IL1RL1: variants seen among roughly 807,000 people sequenced by gnomAD.
The protein encoded by IL1RL1 is interleukin-1 receptor-like 1.
In IL1RL1, 32 loss-of-function variants were observed where a neutral mutation model predicts 50.9. The observed-to-expected ratio is 0.63, with a 90% confidence interval of 0.47 to 0.84. The LOEUF is 0.84. IL1RL1 is among the 40% of genes least tolerant of loss of function. IL1RL1 has a pLI of 0.00. For missense variants in IL1RL1, 773 were observed against 662.9 expected (o/e 1.17, Z -1.82); for synonymous variants, 275 against 236.0 (o/e 1.17, Z -1.51).
At chr2:102,329,857 G>A (rs922372209) in intron 1 of IL1RL1, among the ~76,000 whole-genome samples, 12 of 152,202 alleles carry the variant, frequency 7.9e-5, no homozygotes, top group Non-Finnish European at 1.0e-4. Context: ...TGGAGAGGAT[G>A]TGGAGAAATA....
chr2:102,313,857 G>A (rs938110903), intron 1 of IL1RL1, among the ~76,000 whole-genome samples: 17 of 152,194 alleles, frequency 1.1e-4, no homozygotes, highest in South Asian at 4.1e-4. Flanking sequence ...ACTTGCATGC[G>A]CGTGCATGTG....
chr2:102,341,000 C>T (rs1307703673), intron 5 of IL1RL1, among the ~76,000 whole-genome samples, 172 bp downstream of exon 5: 1 of 152,162 alleles, frequency 6.6e-6, no homozygotes, highest in Non-Finnish European at 1.5e-5. Context: ...TCTGAACACA[C>T]TATCAAGATT....
At chr2:102,328,977 G>T (rs895051293) in intron 1 of IL1RL1, among the ~76,000 whole-genome samples, 4 of 152,134 alleles carry the variant, frequency 2.6e-5, no homozygotes, top group Admixed American at 2.6e-4. Context: ...TCACAGAATT[G>T]GAAAAAACTA....
intron 1 of IL1RL1, among the ~76,000 whole-genome samples, chr2:102,322,162 T>C (rs1676855559): frequency 6.6e-6 from 1 of 152,204 alleles, no homozygotes; most frequent in Non-Finnish European, 1.5e-5. Flanking sequence ...CTGAATTCCA[T>C]AAGGCAGCCA....
intron 1 of IL1RL1, among the ~76,000 whole-genome samples, chr2:102,331,492 T>A (rs1389042469): frequency 6.6e-6 from 1 of 152,240 alleles, no homozygotes; most frequent in African/African-American, 2.4e-5. Flanking sequence ...GTTTTTCACA[T>A]GGCCACCAGC....
chr2:102,312,024 TA>T (rs1676526376), intron 1 of IL1RL1, among the ~76,000 whole-genome samples: 5 of 64,978 alleles, frequency 7.7e-5, no homozygotes, highest in Non-Finnish European at 1.1e-4. Flanking sequence ...ATATATAATA[TA>T]TATTATATAT....
intron 1 of IL1RL1, among the ~76,000 whole-genome samples, chr2:102,329,202 G>T (rs963447936): frequency 1.3e-5 from 2 of 152,190 alleles, no homozygotes; most frequent in African/African-American, 4.8e-5. Context: ...ACAAGTATCT[G>T]ATCTTTGACA....
chr2:102,351,503 A>G, intron 10 of IL1RL1, 33 bp from the exon 11 acceptor site: 1 of 1,583,416 alleles, frequency 6.3e-7, no homozygotes, highest in Non-Finnish European at 8.6e-7. Flanking sequence ...CATTAGACTG[A>G]TAAGAAATCT....
chr2:102,332,686 G>C (rs1677207470), intron 1 of IL1RL1, among the ~76,000 whole-genome samples: 1 of 152,176 alleles, frequency 6.6e-6, no homozygotes, highest in Admixed American at 6.5e-5. Flanking sequence ...ATGTTAATGG[G>C]TATGGGGTTA....
chr2:102,317,092 C>T (rs1968171), intron 1 of IL1RL1, among the ~76,000 whole-genome samples: 72,771 of 152,002 alleles, frequency 0.48, 17,718 homozygotes, highest in Middle Eastern at 0.64. Flanking sequence ...TGGTGGCTCA[C>T]GCCTGTAATT....
At chr2:102,311,973 TATATATA>T (rs1491348846) in intron 1 of IL1RL1, among the ~76,000 whole-genome samples, 1 of 15,432 alleles carries the variant, frequency 6.5e-5, no homozygotes, top group African/African-American at 3.9e-4. Flanking sequence ...TATATAATAT[TATATATA>T]ATATATATTA....
intron 3 of IL1RL1, among the ~76,000 whole-genome samples, chr2:102,339,625 T>C (rs1224611619): frequency 6.6e-6 from 1 of 152,222 alleles, no homozygotes; most frequent in Non-Finnish European, 1.5e-5. Context: ...AAATTCATGC[T>C]CTGCCACTAG....
chr2:102,352,247 C>T (rs112099741), downstream of IL1RL1, among the ~76,000 whole-genome samples: 1,075 of 146,794 alleles, frequency 7.3e-3, 10 homozygotes, highest in Non-Finnish European at 0.012. Flanking sequence ...TCATTCTTGT[C>T]AATAATCTGA....
At chr2:102,316,737 A>C (rs1676685015) in intron 1 of IL1RL1, among the ~76,000 whole-genome samples, 1 of 152,200 alleles carries the variant, frequency 6.6e-6, no homozygotes, top group South Asian at 2.1e-4. Context: ...TGATATGGAT[A>C]CCCAGCTACT....
In IL1RL1 at chr2:102,347,981, G is replaced by A. The variant is rs1318276853; in HGVS notation, c.1007G>A (p.Cys336Tyr). 4 of 1,559,356 alleles carry A rather than the reference G, an allele frequency of 2.6e-6. No individual in the cohort carries two copies. The highest frequency in any genetic ancestry group is 3.5e-6 in the Non-Finnish European group (4 of 1,130,122). ...AGCATCTACTGCATAATTGCAGTAT[G>A]TAGTGTATTTTTAATGCTAATCAAT... is the stretch of plus-strand genomic sequence containing the variant. The part of the protein sequence containing the change: ...HHSIYCIIAV[C>Y]SVFLMLINVL... The change falls in exon 9 of 11, where the codon TGT becomes TAT. Residue 336 changes from cysteine to tyrosine, a missense_variant. By Grantham distance (194) the Cys-to-Tyr change is radical. Coordinates refer to ENST00000233954, the MANE Select transcript of IL1RL1 (RefSeq NM_016232.5).
rs115426178 is a variant in IL1RL1 at position 102,315,193 on chromosome 2, G to T, written c.-150+3570G>T. Reference sequence around the variant, plus strand: ...TCAGCCCCACTGCCACCCAACTGAGGCTTCCTGGATGAGGGTGTATGCCGT... The same window carrying T: ...TCAGCCCCACTGCCACCCAACTGAGTCTTCCTGGATGAGGGTGTATGCCGT... On this transcript the variant is annotated intron_variant, in intron 1 of 10. Coordinates refer to ENST00000233954, the MANE Select transcript of IL1RL1 (RefSeq NM_016232.5). Among the ~76,000 whole-genome samples, 1,127 of 152,256 alleles carry T rather than the reference G, an allele frequency of 7.4e-3. 6 individuals carry two copies. Among genetic ancestry groups the T allele is most frequent in the Admixed American group, 0.012 (190 of 15,296 alleles).
chr2:102,321,331 T>C (rs530450720), intron 1 of IL1RL1, among the ~76,000 whole-genome samples: 10 of 152,356 alleles, frequency 6.6e-5, no homozygotes, highest in African/African-American at 2.4e-4. Flanking sequence ...CTTTGCTCTG[T>C]GTGGTGCATT....
chr2:102,317,689 T>C (rs184419762), intron 1 of IL1RL1, among the ~76,000 whole-genome samples: 1 of 152,234 alleles, frequency 6.6e-6, no homozygotes, highest in East Asian at 1.9e-4. Context: ...TAAACACACA[T>C]TTGGAGAGAA....
chr2:102,343,412 C>A lies in IL1RL1; in HGVS notation c.967C>A (p.Pro323Thr), dbSNP rs763028353. 1 of 1,614,194 alleles carries A rather than the reference C, an allele frequency of 6.2e-7. No individual in the cohort carries two copies. The highest frequency in any genetic ancestry group is 1.1e-5 in the South Asian group (1 of 91,084). Residue 323 changes from proline to threonine, a missense_variant, in exon 8 of 11, where the codon CCA becomes ACA. Coordinates refer to ENST00000233954, the MANE Select transcript of IL1RL1 (RefSeq NM_016232.5). ...CACCGTAAGACTAAGTAGGAAAAAT[C>A]CAAGTAAGGAGTGTTTCTGAGACTT... ...RHTVRLSRKN[P>T]IDHHSIYCII...
Sources: allele counts gnomAD v4.1 joint callset (sites outside exome capture counted in the v4.1 genomes callset), GRCh38; gene constraint gnomAD v4.1.1; transcripts MANE v1.5; gene names NCBI Gene and HGNC (gene_info 2026-07-23, HGNC 2026-07-21).